NUP188: variants seen among roughly 807,000 people sequenced by gnomAD.
NUP188 encodes nucleoporin NUP188.
A neutral mutation model predicts 223.0 loss-of-function variants in NUP188; 97 were observed. That is an observed-to-expected ratio of 0.43 (90% CI 0.37 to 0.51). The LOEUF (loss-of-function observed/expected upper bound fraction) is 0.51. Ranked by LOEUF, NUP188 falls within the 20% of genes least tolerant of loss-of-function variation. The pLI is 0.00. For synonymous variants in NUP188, 869 were observed against 828.0 expected (o/e 1.05, Z -0.85); for missense variants, 1,947 against 2,175.6 (o/e 0.89, Z 2.09).
intron 1 of NUP188, chr9:128,948,398 C>T (rs750281003): frequency 5.9e-5 from 9 of 152,188 alleles, no homozygotes; most frequent in Non-Finnish European, 1.3e-4. Context: ...ACGAAAACTA[C>T]AATTCTGACA....
chr9:128,975,834 T>C (rs1464122249), intron 12 of NUP188, among the ~76,000 whole-genome samples: 1 of 151,958 alleles, frequency 6.6e-6, no homozygotes, highest in East Asian at 1.9e-4. Context: ...TATTTTTTAT[T>C]GTTTTGAAAC....
chr9:128,994,430 T>C lies in NUP188; in HGVS notation c.3075T>C (p.Ser1025=). 1.2e-6 allele frequency: 2 copies of C among 1,612,946 alleles called. No homozygotes were observed. Among genetic ancestry groups the C allele is most frequent in the South Asian group, 1.1e-5 (1 of 91,052 alleles). ...TGTTTGGAACCCTTTCTCCTCCCTC[T>C]GAAACATCAGAGGTAAGCTGTGGCA... is the stretch of plus-strand genomic sequence containing the variant. The part of the protein sequence containing the change: ...SPLFGTLSPP[S]ETSEPSILET... The change falls in exon 28 of 44, where the codon TCT becomes TCC. Residue 1025 remains serine (S), a synonymous_variant. Coordinates refer to ENST00000372577, the MANE Select transcript of NUP188 (RefSeq NM_015354.3).
chr9:128,980,715 C>T lies in NUP188; in HGVS notation c.1379C>T (p.Thr460Ile), dbSNP rs747102742. The change falls in exon 14 of 44, where the codon ACA (threonine) becomes ATA (isoleucine). Residue 460 changes from threonine (T) to isoleucine (I), a missense_variant. Around this residue, in one of 3 missense-constraint regions of NUP188, gnomAD observed 817 missense variants for 865.8 expected, o/e 0.94. Transcript: ENST00000372577. ...LLRALVSGKSTAKKVYSFLDK... is the reference protein window; with the variant it reads ...LLRALVSGKSIAKKVYSFLDK... ...CGAGCCCTGGTATCAGGGAAGTCCACAGCCAAAAAGGTAAGTTGCTTAGTC... is the reference window on the plus strand; with the variant it reads ...CGAGCCCTGGTATCAGGGAAGTCCATAGCCAAAAAGGTAAGTTGCTTAGTC... 1 of 1,613,556 alleles carries T rather than the reference C, an allele frequency of 6.2e-7. No homozygotes were observed. Among genetic ancestry groups the T allele is most frequent in the Non-Finnish European group, 8.5e-7 (1 of 1,179,842 alleles).
chr9:128,952,722 C>CA (rs371313511), intron 2 of NUP188, 51 bp from the exon 3 acceptor site: 76,110 of 1,294,356 alleles, frequency 0.059, 2 homozygotes, highest in East Asian at 0.065. Flanking sequence ...GACTCTGTCT[C>CA]AAAAAAAAAA....
chr9:128,991,976 C>T (rs1464991149), intron 25 of NUP188, among the ~76,000 whole-genome samples: 9 of 143,208 alleles, frequency 6.3e-5, no homozygotes, highest in East Asian at 4.3e-4. Flanking sequence ...GGCGCGATCT[C>T]GGCTCACTGC....
chr9:128,951,965 T>A (rs1351694478), intron 2 of NUP188, among the ~76,000 whole-genome samples: 1 of 152,092 alleles, frequency 6.6e-6, no homozygotes, highest in Non-Finnish European at 1.5e-5. Flanking sequence ...GCTAATTTTG[T>A]ATTTTTTAGT....
At chr9:128,955,967 A>G (rs935352554) in intron 3 of NUP188, among the ~76,000 whole-genome samples, 9 of 99,118 alleles carry the variant, frequency 9.1e-5, no homozygotes, top group South Asian at 7.7e-4. Flanking sequence ...GAGCTGTGGG[A>G]TTTTTGGTAA....
At chr9:128,957,054 CT>C in intron 5 of NUP188, 22 bp downstream of exon 5, 1 of 1,509,298 alleles carries the variant, frequency 6.6e-7, no homozygotes, top group Non-Finnish European at 9.1e-7. Context: ...ATGTCAGCTC[CT>C]TTCTTCTGCC....
At chr9:129,003,578 G>A (rs775594368) in intron 38 of NUP188, 124 bp downstream of exon 38, 5 of 1,152,172 alleles carry the variant, frequency 4.3e-6, no homozygotes, top group South Asian at 2.5e-5. Context: ...TTTCCCTTGG[G>A]GAGCACAGGG....
At position 128,953,140 on chromosome 9, in the gene NUP188, CTGTG is replaced by C. The variant is rs368424712; in HGVS notation, c.161+297_161+300del. Among the ~76,000 whole-genome samples the C allele has an allele frequency of 8.5e-5, 13 of 152,310 alleles. No homozygotes were observed. The East Asian group carries it at 1.9e-3, about 23-fold the overall frequency. ...AATATTTATTCAGAGTCCACAGTGT[CTGTG>C]TGAGTACTAATTGGTGGGAGATAGC... On this transcript the variant is annotated intron_variant, in intron 3 of 43. Coordinates refer to ENST00000372577, the MANE Select transcript of NUP188 (RefSeq NM_015354.3).
At chr9:128,987,157 T>C (rs1291077650) in intron 22 of NUP188, among the ~76,000 whole-genome samples, 1 of 148,294 alleles carries the variant, frequency 6.7e-6, no homozygotes, top group Non-Finnish European at 1.5e-5. Context: ...ACTAATATAT[T>C]AATCATTCTT....
chr9:129,005,199 A>G lies in NUP188; in HGVS notation c.4487A>G (p.Lys1496Arg). ...QACTSLLHSR[K>R]MLQHYLQNKN... is the part of the protein sequence containing the mutation. ...TGTACCTCTCTCCTGCACAGTCGAA[A>G]GATGCTGCAGCATTACTTACAGGTA... The change falls in exon 39 of 44, where the codon AAG becomes AGG. Residue 1496 changes from lysine (K) to arginine (R), a missense_variant. Lys to Arg is a conservative substitution (Grantham distance 26, BLOSUM62 2). Transcript: ENST00000372577. The G allele has an allele frequency of 6.2e-7, 1 of 1,614,140 alleles. No homozygotes were observed. The highest frequency in any genetic ancestry group is 8.5e-7 in the Non-Finnish European group (1 of 1,179,978).
At chr9:128,981,222 A>G (rs954164091) in intron 14 of NUP188, 42 bp from the exon 15 acceptor site, 5 of 1,604,672 alleles carry the variant, frequency 3.1e-6, no homozygotes, top group Non-Finnish European at 3.4e-6. Flanking sequence ...CTCCTTGCTT[A>G]TCCTGGAGGG....
intron 3 of NUP188, among the ~76,000 whole-genome samples, chr9:128,953,259 T>TA (rs1265785146): frequency 6.6e-6 from 1 of 152,238 alleles, no homozygotes; most frequent in Non-Finnish European, 1.5e-5. Context: ...AAAAGTTATT[T>TA]AATCCCCACA....
At chr9:128,997,913 G>T (rs1842557839) in intron 30 of NUP188, among the ~76,000 whole-genome samples, 1 of 151,996 alleles carries the variant, frequency 6.6e-6, no homozygotes, top group African/African-American at 2.4e-5. Flanking sequence ...TAGAGACAGG[G>T]TTCCACCGTG....
Position 128,986,604 on chromosome 9 carries a change from T to C in NUP188, c.2123T>C (p.Met708Thr), listed in dbSNP as rs1402281134. The change falls in exon 21 of 44, where the codon ATG becomes ACG. Residue 708 changes from methionine to threonine, a missense_variant. Physicochemically the swap from Met to Thr is moderately conservative, Grantham distance 81 (BLOSUM62 -1). Around this residue, in one of 3 missense-constraint regions of NUP188, gnomAD observed 225 missense variants for 319.1 expected, o/e 0.71. Coordinates refer to ENST00000372577, the MANE Select transcript of NUP188 (RefSeq NM_015354.3). Reference sequence around the variant, plus strand: ...AGCCAAGGACTTGTACCCTGTGTAATGTTTGTGCTGAAGGAGATGCTTCCC... The same window carrying C: ...AGCCAAGGACTTGTACCCTGTGTAACGTTTGTGCTGAAGGAGATGCTTCCC... ...TQSQGLVPCV[M>T]FVLKEMLPSY... is the part of the protein sequence containing the mutation. The C allele has an allele frequency of 6.2e-7, 1 of 1,614,180 alleles. No individual in the cohort carries two copies. The highest frequency in any genetic ancestry group is 2.2e-5 in the East Asian group (1 of 44,882).
At position 128,987,656 on chromosome 9, in the gene NUP188, A is replaced by G. The variant is rs140336831; in HGVS notation, c.2332A>G (p.Ile778Val). ...LAYTEAGQTV[I>V]NIMGIGVDTI... ...ATACACAGAAGCAGGACAGACAGTT[A>G]TCAATATCATGGGCATTGGCGTGGA... The change falls in exon 23 of 44, where the codon ATC becomes GTC. Residue 778 changes from isoleucine to valine, a missense_variant. Physicochemically the swap from Ile to Val is conservative, Grantham distance 29. Transcript: ENST00000372577. 6.2e-6 allele frequency: 10 copies of G among 1,614,128 alleles called. No individual in the cohort carries two copies. In the East Asian group the frequency reaches 1.8e-4, roughly 29 times the overall value.
intron 8 of NUP188, among the ~76,000 whole-genome samples, chr9:128,967,547 C>T (rs1456926104): frequency 4.0e-5 from 6 of 151,830 alleles, no homozygotes; most frequent in Non-Finnish European, 8.8e-5. Context: ...TCCCAGCACT[C>T]GGGAGGCCAA....
At chr9:128,960,279 G>C (rs1357569334) in intron 8 of NUP188, among the ~76,000 whole-genome samples, 1 of 151,264 alleles carries the variant, frequency 6.6e-6, no homozygotes, top group African/African-American at 2.4e-5. Flanking sequence ...AGTAGAGACA[G>C]GGTTTCACCG....
Sources: gnomAD v4.1 joint callset for allele counts (sites outside exome capture counted in the v4.1 genomes callset) on GRCh38, gnomAD v4.1.1 for gene constraint, gnomAD v4.1.1 regional missense constraint, MANE v1.5 for transcripts, NCBI Gene and HGNC (gene_info 2026-07-23, HGNC 2026-07-21) for gene names.